Variants in NTN4 observed in about 807,000 individuals in gnomAD.
NTN4 encodes the protein netrin 4.
Under a neutral mutation model 73.6 loss-of-function variants are expected in NTN4, and 32 were observed. That is an observed-to-expected ratio of 0.44 (90% confidence interval 0.33 to 0.58). The LOEUF (loss-of-function observed/expected upper bound fraction) is 0.58. Ranked by LOEUF, NTN4 falls within the 20% of genes least tolerant of loss-of-function variation. NTN4 has a pLI of 0.04. For synonymous variants in NTN4, 258 were observed against 287.5 expected (o/e 0.90, Z 1.04); for missense variants, 654 against 798.3 (o/e 0.82, Z 2.18).
At position 95,738,093 on chromosome 12, in the gene NTN4, C is replaced by T. The variant is rs146855679; in HGVS notation, c.637G>A (p.Ala213Thr). The T allele has an allele frequency of 3.0e-4, 488 of 1,614,106 alleles. 3 individuals are homozygous for T. In the African/African-American group the frequency reaches 5.9e-3, roughly 19 times the overall value. ...PPYDTENPYS[A>T]KVQEQLKITN... ...ATCTTCAGCTGCTCCTGAACTTTGG[C>T]ACTGTAAGGGTTCTCTGTATCGTAT... Residue 213 changes from alanine to threonine, a missense_variant, in exon 3 of 10, where the codon GCC becomes ACC. Coordinates refer to ENST00000343702, the MANE Select transcript of NTN4 (RefSeq NM_021229.4).
At chr12:95,670,351 C>A (rs1417916412) in intron 7 of NTN4, 3 of 400,184 alleles carry the variant, frequency 7.5e-6, no homozygotes, top group Non-Finnish European at 1.3e-5. Flanking sequence ...ATAAAGTATT[C>A]ATCCAAGAGA....
intron 9 of NTN4, among the ~76,000 whole-genome samples, chr12:95,660,353 A>G (rs768407131): frequency 9.9e-5 from 15 of 152,180 alleles, no homozygotes; most frequent in African/African-American, 1.7e-4. Flanking sequence ...AGCATTTGGG[A>G]AAACATATAG....
At chr12:95,701,045 C>T (rs2078481568) in intron 5 of NTN4, among the ~76,000 whole-genome samples, 1 of 152,120 alleles carries the variant, frequency 6.6e-6, no homozygotes, top group Non-Finnish European at 1.5e-5. Context: ...AACTCCTGAC[C>T]TCAGGTGATC....
Position 95,750,675 on chromosome 12 carries a change from G to A in NTN4, c.586-12531C>T, listed in dbSNP as rs1331607110. Among the ~76,000 whole-genome samples, 18 of 151,950 alleles carry A rather than the reference G, an allele frequency of 1.2e-4. 1 individual carries two copies. Among genetic ancestry groups the A allele is most frequent in the African/African-American group, 3.9e-4 (16 of 41,416 alleles). On this transcript the variant is annotated intron_variant, in intron 2 of 9. Transcript: ENST00000343702. ...CCCAAATCTTCCTTCTTTCCCTCCC[G>A]CCTGTCCCCTCAGTACCAACCCCAA...
In NTN4 at chr12:95,680,378, C is replaced by T. The variant is rs188391665; in HGVS notation, c.1510+2329G>A. 1.2e-3 allele frequency among the ~76,000 whole-genome samples: 190 copies of T among 152,314 alleles called. 3 individuals are homozygous for T. Among genetic ancestry groups the T allele is most frequent in the African/African-American group, 4.5e-3 (185 of 41,568 alleles). ...AGAATAAAGACAGGTACTTCTATAACCATTTAAAGTGTAAGCATTTAAAAC... is the reference window on the plus strand; with the variant it reads ...AGAATAAAGACAGGTACTTCTATAATCATTTAAAGTGTAAGCATTTAAAAC... On this transcript the variant is annotated intron_variant, in intron 7 of 9. Coordinates refer to ENST00000343702, the MANE Select transcript of NTN4 (RefSeq NM_021229.4).
chr12:95,747,935 A>T (rs1401766930), intron 2 of NTN4, among the ~76,000 whole-genome samples: 2 of 152,118 alleles, frequency 1.3e-5, no homozygotes, highest in Non-Finnish European at 2.9e-5. Flanking sequence ...CTTTATAGAA[A>T]AAATATATTT....
At chr12:95,757,672 A>C (rs1049823114) in intron 2 of NTN4, among the ~76,000 whole-genome samples, 2 of 146,834 alleles carry the variant, frequency 1.4e-5, no homozygotes, top group Non-Finnish European at 3.0e-5. Flanking sequence ...AGAAAGAAGA[A>C]GAGCCAAAAA....
rs544233267 is a variant in NTN4, at chr12:95,693,527, TA to T, written c.1181-9817del. On this transcript the variant is annotated intron_variant, in intron 5 of 9. Coordinates refer to ENST00000343702, the MANE Select transcript of NTN4 (RefSeq NM_021229.4). ...AGGCAGATCGCTTAGGGTCAGGATT[TA>T]GAGACCAGCCCGAGAAACATGGTGA... Among the ~76,000 whole-genome samples, 1,073 of 152,072 alleles carry T rather than the reference TA, an allele frequency of 7.1e-3. 12 individuals carry two copies. The highest frequency in any genetic ancestry group is 0.023 in the African/African-American group (972 of 41,500).
chr12:95,672,984 C>T, intron 7 of NTN4: 2 of 1,173,694 alleles, frequency 1.7e-6, no homozygotes, highest in Non-Finnish European at 1.3e-6. Flanking sequence ...CGAAGCCCAT[C>T]AGGTGCATGG....
chr12:95,683,045 C>A (rs1349518911), intron 6 of NTN4, among the ~76,000 whole-genome samples: 1 of 143,028 alleles, frequency 7.0e-6, no homozygotes, highest in Non-Finnish European at 1.5e-5. Flanking sequence ...TGTAATTAGA[C>A]AAAAATTATT....
chr12:95,665,813 G>A lies in NTN4; in HGVS notation c.1747C>T (p.Pro583Ser), dbSNP rs2120922640. 6.2e-7 allele frequency: 1 copy of A among 1,612,676 alleles called. No homozygotes were observed. Among genetic ancestry groups the A allele is most frequent in the Non-Finnish European group, 8.5e-7 (1 of 1,179,118 alleles). ...GATAGGAAAGTCTAATACTCACCAG[G>A]ATTGAGGATTGGACAAGTGCATCCT... is the stretch of plus-strand genomic sequence containing the variant. The part of the protein sequence containing the change: ...DRGCTCPILN[P>S]GLEYLVAGHE... The change falls in exon 9 of 10, where the codon CCT becomes TCT. Residue 583 changes from proline (P) to serine (S), a missense_variant. Transcript: ENST00000343702.
At chr12:95,659,516 T>A (rs1391167738) in intron 9 of NTN4, among the ~76,000 whole-genome samples, 1 of 152,138 alleles carries the variant, frequency 6.6e-6, no homozygotes, top group African/African-American at 2.4e-5. Flanking sequence ...CAGGCTGGTC[T>A]CGAGCTCCTG....
chr12:95,750,094 G>A (rs1273641974), intron 2 of NTN4, among the ~76,000 whole-genome samples: 1 of 151,836 alleles, frequency 6.6e-6, no homozygotes, highest in South Asian at 2.1e-4. Flanking sequence ...TCGTATCTCT[G>A]CGCCCCAATC....
intron 2 of NTN4, among the ~76,000 whole-genome samples, chr12:95,753,955 C>T (rs2078928923): frequency 6.6e-6 from 1 of 152,156 alleles, no homozygotes; most frequent in Non-Finnish European, 1.5e-5. Flanking sequence ...CATACATGCC[C>T]TGCTCTTGTT....
At chr12:95,710,877 G>A (rs972517811) in intron 4 of NTN4, among the ~76,000 whole-genome samples, 4 of 152,054 alleles carry the variant, frequency 2.6e-5, no homozygotes, top group East Asian at 1.9e-4. Context: ...GGTGGCACAC[G>A]CCTGTAGTCC....
At chr12:95,750,674 C>T (rs1269019866) in intron 2 of NTN4, among the ~76,000 whole-genome samples, 1 of 152,130 alleles carries the variant, frequency 6.6e-6, no homozygotes, top group East Asian at 1.9e-4. Context: ...CTTTCCCTCC[C>T]GCCTGTCCCC....
chr12:95,719,147 ATTTGT>A (rs2078628194), intron 3 of NTN4, among the ~76,000 whole-genome samples: 2 of 152,194 alleles, frequency 1.3e-5, no homozygotes, highest in Non-Finnish European at 2.9e-5. Flanking sequence ...TGAAAAAAAG[ATTTGT>A]TTTAGAGCAA....
intron 3 of NTN4, among the ~76,000 whole-genome samples, chr12:95,727,895 C>G (rs189516448): frequency 2.6e-5 from 4 of 152,234 alleles, no homozygotes; most frequent in Admixed American, 2.6e-4. Flanking sequence ...AGAGTATTGT[C>G]ATTTTAATAA....
intron 5 of NTN4, among the ~76,000 whole-genome samples, chr12:95,702,045 C>T (rs1462683082): frequency 4.0e-5 from 6 of 151,890 alleles, no homozygotes; most frequent in African/African-American, 1.2e-4. Flanking sequence ...TTTGGGAGGC[C>T]GAGGAAGGTG....
Sources: allele counts gnomAD v4.1 joint callset (sites outside exome capture counted in the v4.1 genomes callset), GRCh38; gene constraint gnomAD v4.1.1; transcripts MANE v1.5; gene names NCBI Gene and HGNC (gene_info 2026-07-23, HGNC 2026-07-21).